HLA-DPA1: variants seen among roughly 807,000 people sequenced by gnomAD.
The protein encoded by HLA-DPA1 is HLA class II histocompatibility antigen, DP alpha 1 chain.
HLA-DPA1 carries 20 observed loss-of-function variants against 21.5 expected under a neutral mutation model. That is an observed-to-expected ratio of 0.93 (90% CI 0.66 to 1.35). HLA-DPA1 has a LOEUF of 1.35. Ranked by LOEUF, HLA-DPA1 falls within the 40% of genes most tolerant of loss-of-function variation. The pLI is 0.00. For synonymous variants in HLA-DPA1, 123 were observed against 129.6 expected (o/e 0.95, Z 0.35); for missense variants, 279 against 323.0 (o/e 0.86, Z 1.05).
chr6:33,070,207 G>C lies in HLA-DPA1; in HGVS notation c.101-321C>G, dbSNP rs183326933. 1.4e-3 allele frequency among the ~76,000 whole-genome samples: 214 copies of C among 152,074 alleles called. 2 individuals are homozygous for C. In the East Asian group the frequency reaches 0.026, roughly 18 times the overall value. ...AACAATGACAGCTAACATTTGTTGA[G>C]CACTTACTTGTGCCAGGCATCCTTC... On this transcript the variant is annotated intron_variant, in intron 2 of 5. Coordinates refer to ENST00000419277, the Ensembl canonical transcript of HLA-DPA1.
exon 2 of HLA-DPA1, chr6:33,073,520 G>A (rs112178281): frequency 2.9e-4 from 465 of 1,613,038 alleles, no homozygotes; most frequent in Non-Finnish European, 3.8e-4. Flanking sequence ...CCAAGGAGAG[G>A]GCTCTCAAGA....
At chr6:33,079,721 A>G (rs1265624596) in intron 1 of HLA-DPA1, 2 of 511,822 alleles carry the variant, frequency 3.9e-6, no homozygotes, top group Non-Finnish European at 7.8e-6. Flanking sequence ...AGTGCTGCTG[A>G]TGTGCAACAA....
At position 33,074,743 on chromosome 6, in the gene HLA-DPA1, G is replaced by A. The variant is rs373370960; in HGVS notation, c.-99-1074C>T. Among the ~76,000 whole-genome samples the A allele has an allele frequency of 2.0e-4, 30 of 152,222 alleles. No homozygotes were observed. The East Asian group carries it at 3.3e-3, about 17-fold the overall frequency. ...TAAACCTGAGGGAGGTATTATTAAT[G>A]TCTACTGTAAAAATAAATTACCTGA... On this transcript the variant is annotated intron_variant, in intron 1 of 5. Coordinates refer to ENST00000419277, the Ensembl canonical transcript of HLA-DPA1.
chr6:33,075,908 ACT>A, intron 1 of HLA-DPA1: 1 of 651,512 alleles, frequency 1.5e-6, no homozygotes, highest in Non-Finnish European at 2.7e-6. Context: ...CTTTTCTCAG[ACT>A]CTGTCCAATC....
chr6:33,065,002 GA>G (rs997647397), exon 6 of HLA-DPA1: 1 of 152,166 alleles, frequency 6.6e-6, no homozygotes, highest in African/African-American at 2.4e-5. Flanking sequence ...GAATGACTCA[GA>G]GTCTCCCCGC....
Position 33,078,952 on chromosome 6 carries a change from G to A in HLA-DPA1, c.-100+1728C>T, listed in dbSNP as rs555030313. ...TGGACTCAAGGAGCTGGGGGGCTCT[G>A]GGCCTGGAATTTTAGGGTCTGGGGC... On this transcript the variant is annotated intron_variant, in intron 1 of 5. Coordinates refer to ENST00000419277, the Ensembl canonical transcript of HLA-DPA1. Among the ~76,000 whole-genome samples the A allele has an allele frequency of 1.1e-3, 170 of 152,218 alleles. 2 individuals are homozygous for A. The highest frequency in any genetic ancestry group is 1.3e-4 in the Non-Finnish European group (9 of 68,008).
chr6:33,080,670 A>G lies in HLA-DPA1; in HGVS notation c.-100+10T>C. 3.7e-6 allele frequency: 6 copies of G among 1,612,536 alleles called. No homozygotes were observed. The highest frequency in any genetic ancestry group is 5.1e-6 in the Non-Finnish European group (6 of 1,179,334). ...CCGCTCATGTCCGCCCCCTCCCCGC[A>G]GAGAATTACCTTTTCCAGGGACGGC... On this transcript the variant is annotated intron_variant, in intron 1 of 5. Transcript: ENST00000419277. This position sits in a 1 kb window ranked among gnomAD's most constrained non-coding sequence, Gnocchi z 4.3.
chr6:33,076,381 G>GCTTT (rs1762540311), intron 1 of HLA-DPA1, among the ~76,000 whole-genome samples: 4 of 99,034 alleles, frequency 4.0e-5, no homozygotes, highest in Non-Finnish European at 7.7e-5. Context: ...AGTGGTCAGT[G>GCTTT]TCTTTGGGGA....
At position 33,070,383 on chromosome 6, in the gene HLA-DPA1, G is replaced by A. The variant is rs193121741; in HGVS notation, c.101-497C>T. ...GGCTACTGGCGGAACTAGTAGAGAG[G>A]TTTTCTCTCCCATTAAGATCTTAAT... On this transcript the variant is annotated intron_variant, in intron 2 of 5. Coordinates refer to ENST00000419277, the Ensembl canonical transcript of HLA-DPA1. Among the ~76,000 whole-genome samples, 541 of 152,134 alleles carry A rather than the reference G, an allele frequency of 3.6e-3. 3 individuals are homozygous for A. Among genetic ancestry groups the A allele is most frequent in the East Asian group, 0.026 (133 of 5,190 alleles).
At chr6:33,076,629 A>T (rs1762555129) in intron 1 of HLA-DPA1, among the ~76,000 whole-genome samples, 1 of 152,112 alleles carries the variant, frequency 6.6e-6, no homozygotes, top group African/African-American at 2.4e-5. Context: ...ACAATTAAGG[A>T]GAGAAGGGAG....
intron 1 of HLA-DPA1, chr6:33,079,635 G>A (rs1357950508): frequency 6.4e-6 from 3 of 466,696 alleles, no homozygotes; most frequent in Non-Finnish European, 8.4e-6. Flanking sequence ...GCTTATGGGA[G>A]CAACAACAAC....
intron 4 of HLA-DPA1, 49 bp from the exon 4 acceptor site, chr6:33,068,853 G>T (rs73739662): frequency 0.21 from 338,502 of 1,590,366 alleles, 46,462 homozygotes; most frequent in East Asian, 0.64. Context: ...TGAGGGTGGT[G>T]ATGGCCTGGG....
intron 4 of HLA-DPA1, 87 bp downstream of exon 3, chr6:33,068,932 A>G (rs77981473): frequency 0.21 from 322,136 of 1,536,232 alleles, 44,517 homozygotes; most frequent in East Asian, 0.64. Flanking sequence ...ACTGAGACCC[A>G]GCCAGTGCGG....
chr6:33,069,999 G>T, intron 2 of HLA-DPA1, 113 bp from the exon 2 acceptor site: 4 of 933,370 alleles, frequency 4.3e-6, no homozygotes, highest in Non-Finnish European at 4.8e-6. Flanking sequence ...AAGGTAAGAG[G>T]TCAAAGGAAG....
At position 33,072,548 on chromosome 6, in the gene HLA-DPA1, G is replaced by A. The variant is rs117941129; in HGVS notation, c.100+923C>T. Among the ~76,000 whole-genome samples, 543 of 152,230 alleles carry A rather than the reference G, an allele frequency of 3.6e-3. 3 individuals carry two copies. The highest frequency in any genetic ancestry group is 0.026 in the East Asian group (133 of 5,182). On this transcript the variant is annotated intron_variant, in intron 2 of 5. Coordinates refer to ENST00000419277, the Ensembl canonical transcript of HLA-DPA1. ...AACATTAGAAATAACTCAGGTGACCGCGAACAGGGCAATAGATACTTCTGG... is the reference window on the plus strand; with the variant it reads ...AACATTAGAAATAACTCAGGTGACCACGAACAGGGCAATAGATACTTCTGG...
At chr6:33,077,882 T>C (rs7770418) in intron 1 of HLA-DPA1, among the ~76,000 whole-genome samples, 14,905 of 151,878 alleles carry the variant, frequency 0.098, 885 homozygotes, top group South Asian at 0.19. Flanking sequence ...TCTATTACCT[T>C]GGGTTCATTG....
chr6:33,073,726 T>C (rs1762404930), intron 1 of HLA-DPA1, 77 bp from the exon 1 acceptor site: 5 of 603,556 alleles, frequency 8.3e-6, no homozygotes, highest in East Asian at 2.8e-5. Flanking sequence ...AGAGAAATCA[T>C]AGAGCTGACA....
chr6:33,073,296 A>T (rs9357156), intron 2 of HLA-DPA1, 175 bp downstream of exon 1: 2 of 549,944 alleles, frequency 3.6e-6, no homozygotes, highest in Admixed American at 3.1e-5. Context: ...ACTATGCAGG[A>T]GTCTCATAAA....
intron 1 of HLA-DPA1, chr6:33,075,969 C>G: frequency 8.9e-7 from 1 of 1,124,286 alleles, no homozygotes. Flanking sequence ...ATATTTCAAA[C>G]AGGAGCTCCC....
Sources: allele counts gnomAD v4.1 joint callset (sites outside exome capture counted in the v4.1 genomes callset), GRCh38; gene constraint gnomAD v4.1.1; non-coding constraint Gnocchi (gnomAD v3.1); transcripts MANE v1.5; gene names NCBI Gene and HGNC (gene_info 2026-07-23, HGNC 2026-07-21).